The following KDM4B variants were observed in gnomAD, a reference collection of about 807,000 sequenced individuals.
The protein encoded by KDM4B is lysine demethylase 4B, also known as lysine-specific demethylase 4B.
Under a neutral mutation model 125.2 loss-of-function variants are expected in KDM4B, and 32 were observed. The observed-to-expected ratio is 0.26, with a 90% CI of 0.19 to 0.34. The LOEUF (loss-of-function observed/expected upper bound fraction) is 0.34, where lower values mean the gene tolerates loss of function less well. KDM4B is among the 10% of genes least tolerant of loss of function. The pLI is 1.00. For missense variants in KDM4B, 1,190 were observed against 1,577.7 expected (o/e 0.75, Z 4.16); for synonymous variants, 721 against 677.9 (o/e 1.06, Z -0.99).
At chr19:4,974,418 G>A (rs1384332120) in intron 1 of KDM4B, among the ~76,000 whole-genome samples, 2 of 151,344 alleles carry the variant, frequency 1.3e-5, no homozygotes, top group South Asian at 2.1e-4. Context: ...AAATAAATAA[G>A]TAAGTAAGTA....
chr19:4,977,222 A>G (rs1329120797), intron 1 of KDM4B, among the ~76,000 whole-genome samples: 1 of 152,048 alleles, frequency 6.6e-6, no homozygotes, highest in Non-Finnish European at 1.5e-5. Context: ...GCGGTGGCCG[A>G]GCGCGAAGTT....
intron 15 of KDM4B, among the ~76,000 whole-genome samples, chr19:5,135,962 C>T (rs950970308): frequency 1.1e-4 from 16 of 152,360 alleles, no homozygotes; most frequent in African/African-American, 3.8e-4. Flanking sequence ...TCCCTGACAC[C>T]CAGAAGCTCA....
chr19:5,098,843 C>T (rs906745266), intron 9 of KDM4B, among the ~76,000 whole-genome samples: 1 of 152,192 alleles, frequency 6.6e-6, no homozygotes, highest in East Asian at 1.9e-4. Flanking sequence ...GTGCCCTGAT[C>T]TTGGACTTCC....
intron 1 of KDM4B, among the ~76,000 whole-genome samples, chr19:4,977,257 G>A (rs1344752897): frequency 2.6e-5 from 4 of 152,194 alleles, no homozygotes; most frequent in African/African-American, 7.2e-5. Flanking sequence ...GACTGGGATC[G>A]TGTTTGTTCA....
chr19:5,122,675 G>A (rs75901554), intron 11 of KDM4B, among the ~76,000 whole-genome samples: 2,211 of 152,304 alleles, frequency 0.015, 29 homozygotes, highest in Non-Finnish European at 0.023. Flanking sequence ...GAAGACACTC[G>A]CCACCCGTCA....
At chr19:5,116,787 T>C (rs754516757) in intron 10 of KDM4B, among the ~76,000 whole-genome samples, 4 of 152,044 alleles carry the variant, frequency 2.6e-5, no homozygotes, top group Non-Finnish European at 4.4e-5. Context: ...ACAATGTTTA[T>C]GGGGCATAAA....
At chr19:5,112,913 C>T (rs1281569583) in intron 10 of KDM4B, 1 of 152,474 alleles carries the variant, frequency 6.6e-6, no homozygotes, top group African/African-American at 2.4e-5. Flanking sequence ...CAGGCCCAGC[C>T]AGACGTGCTA....
At chr19:5,041,676 G>A (rs1048889547) in intron 5 of KDM4B, among the ~76,000 whole-genome samples, 3 of 152,228 alleles carry the variant, frequency 2.0e-5, no homozygotes, top group African/African-American at 4.8e-5. Flanking sequence ...GGGGTGAGGG[G>A]ATCTCCCATC....
intron 2 of KDM4B, among the ~76,000 whole-genome samples, chr19:5,016,547 C>T (rs893543588): frequency 3.9e-5 from 6 of 152,258 alleles, no homozygotes; most frequent in Non-Finnish European, 7.3e-5. Context: ...TGAAGCCTGT[C>T]TGCTTTGGGC....
intron 14 of KDM4B, 115 bp from the exon 15 acceptor site, chr19:5,135,224 C>G (rs867645089): frequency 2.9e-6 from 2 of 678,930 alleles, no homozygotes; most frequent in Middle Eastern, 3.9e-4. Context: ...CGACCTCCCC[C>G]TCCAGAGCCA....
At chr19:5,050,228 G>T (rs752367777) in intron 6 of KDM4B, among the ~76,000 whole-genome samples, 29 of 152,264 alleles carry the variant, frequency 1.9e-4, no homozygotes, top group Non-Finnish European at 4.1e-4. Flanking sequence ...TTGGTAGCTT[G>T]ATTTGTGTGT....
At chr19:5,099,487 A>G (rs1039442337) in intron 9 of KDM4B, among the ~76,000 whole-genome samples, 4 of 152,242 alleles carry the variant, frequency 2.6e-5, no homozygotes, top group Non-Finnish European at 5.9e-5. Context: ...GCTCTTATAC[A>G]AGGAGCAGTA....
chr19:5,087,539 C>G (rs2038544809), intron 9 of KDM4B, among the ~76,000 whole-genome samples: 1 of 152,348 alleles, frequency 6.6e-6, no homozygotes, highest in African/African-American at 2.4e-5. Context: ...CCCAGGGCCA[C>G]TTCCGAGGTC....
In KDM4B at chr19:4,994,517, C is replaced by A. The variant is rs964090394; in HGVS notation, c.-108-21740C>A. Reference sequence around the variant, plus strand: ...GGTGGAGATTGCAGTGAGCCAAGATCATGCCATTGCACTCCAGCCTGGGCA... The same window carrying A: ...GGTGGAGATTGCAGTGAGCCAAGATAATGCCATTGCACTCCAGCCTGGGCA... On this transcript the variant is annotated intron_variant, in intron 1 of 22. Transcript: ENST00000159111. Among the ~76,000 whole-genome samples the A allele has an allele frequency of 2.3e-5, 3 of 130,848 alleles. No homozygotes were observed. In the East Asian group the frequency reaches 6.7e-4, roughly 29 times the overall value. 85.8% of individuals were successfully genotyped at this position (130,848 alleles called of 152,430 possible).
chr19:5,010,538 G>A (rs546594288), intron 1 of KDM4B, among the ~76,000 whole-genome samples: 3 of 152,178 alleles, frequency 2.0e-5, no homozygotes, highest in Non-Finnish European at 2.9e-5. Flanking sequence ...AAATATTCCC[G>A]TGGTGTTGGA....
At chr19:5,027,385 C>G (rs2036312986) in intron 2 of KDM4B, among the ~76,000 whole-genome samples, 1 of 152,152 alleles carries the variant, frequency 6.6e-6, no homozygotes, top group Non-Finnish European at 1.5e-5. Flanking sequence ...GACAAAAGGT[C>G]TGGGATGAAG....
At chr19:5,122,346 G>A (rs1336955753) in intron 11 of KDM4B, among the ~76,000 whole-genome samples, 2 of 152,206 alleles carry the variant, frequency 1.3e-5, no homozygotes, top group African/African-American at 2.4e-5. Context: ...GCTCTCCCAT[G>A]TCAGGGTCCT....
chr19:4,978,277 A>G (rs2145308044), intron 1 of KDM4B, among the ~76,000 whole-genome samples: 1 of 151,908 alleles, frequency 6.6e-6, no homozygotes, highest in South Asian at 2.1e-4. Flanking sequence ...GAGGCTGAGG[A>G]GGGTGGATCA....
At chr19:5,129,263 C>T (rs2039502987) in intron 11 of KDM4B, among the ~76,000 whole-genome samples, 4 of 152,232 alleles carry the variant, frequency 2.6e-5, no homozygotes, top group African/African-American at 9.6e-5. Flanking sequence ...GTGTGTGGGG[C>T]AGTGTGGCTT....
Sources: allele counts gnomAD v4.1 joint callset (sites outside exome capture counted in the v4.1 genomes callset), GRCh38; gene constraint gnomAD v4.1.1; transcripts MANE v1.5; gene names NCBI Gene and HGNC (gene_info 2026-07-23, HGNC 2026-07-21).